NUDCD1: variants seen among roughly 807,000 people sequenced by gnomAD.
NUDCD1 encodes NudC domain containing 1.
In NUDCD1, 60 loss-of-function variants were observed where a neutral mutation model predicts 67.8. The observed-to-expected ratio is 0.88, with a 90% CI of 0.72 to 1.10. NUDCD1 has a LOEUF of 1.10. Ranked by LOEUF, NUDCD1 falls within the 50% of genes least tolerant of loss-of-function variation. The pLI, the probability that NUDCD1 is intolerant of heterozygous loss-of-function variation, is 0.00. For missense variants in NUDCD1, 643 were observed against 695.0 expected (o/e 0.93, Z 0.84); for synonymous variants, 244 against 230.8 (o/e 1.06, Z -0.52).
chr8:109,281,125 T>C lies in NUDCD1; in HGVS notation c.871A>G (p.Ile291Val), dbSNP rs758010057. 2 of 1,613,548 alleles carry C rather than the reference T, an allele frequency of 1.2e-6. No individual in the cohort carries two copies. Among genetic ancestry groups the C allele is most frequent in the East Asian group, 2.2e-5 (1 of 44,808 alleles). ...TTAGTACTGTCTTCTGGAAGCCGTA[T>C]GGTTACTGTCAAATCATCTTCAGTC... ...QQTEDDLTVTIRLPEDSTKED... is the reference protein window; with the variant it reads ...QQTEDDLTVTVRLPEDSTKED... Residue 291 changes from isoleucine (I) to valine (V), a missense_variant, in exon 6 of 10, where the codon ATA becomes GTA. Ile to Val is a conservative substitution (Grantham distance 29). Transcript: ENST00000239690.
At chr8:109,301,567 G>A (rs966609092) in intron 2 of NUDCD1, among the ~76,000 whole-genome samples, 11 of 152,198 alleles carry the variant, frequency 7.2e-5, no homozygotes, top group African/African-American at 2.4e-4. Context: ...CCCTCACTCC[G>A]TGAGGAGATC....
intron 7 of NUDCD1, among the ~76,000 whole-genome samples, chr8:109,273,730 C>G (rs955796051): frequency 2.6e-5 from 4 of 152,034 alleles, no homozygotes; most frequent in African/African-American, 9.7e-5. Flanking sequence ...CTGACAAATT[C>G]TACCAAACAT....
At chr8:109,333,473 G>T (rs1019938599) in intron 1 of NUDCD1, among the ~76,000 whole-genome samples, 4 of 152,204 alleles carry the variant, frequency 2.6e-5, no homozygotes, top group Admixed American at 6.5e-5. Context: ...CTCGGTCAGA[G>T]GAAACAGGAA....
intron 2 of NUDCD1, among the ~76,000 whole-genome samples, chr8:109,309,637 C>T (rs1404055594): frequency 6.6e-6 from 1 of 152,130 alleles, no homozygotes; most frequent in Non-Finnish European, 1.5e-5. Context: ...AAATAAAGGG[C>T]ATCCAAATCA....
intron 4 of NUDCD1, among the ~76,000 whole-genome samples, chr8:109,291,355 GACTGGTCTC>G (rs1363957143): frequency 6.6e-6 from 1 of 152,140 alleles, no homozygotes. Flanking sequence ...ATGTTGCCCA[GACTGGTCTC>G]AAACTCCTGG....
At chr8:109,300,677 G>C (rs1814964768) in intron 2 of NUDCD1, among the ~76,000 whole-genome samples, 2 of 152,160 alleles carry the variant, frequency 1.3e-5, no homozygotes, top group African/African-American at 4.8e-5. Flanking sequence ...AAACATATTT[G>C]GGGGAATAAT....
chr8:109,259,599 G>A (rs1227111975), intron 8 of NUDCD1, among the ~76,000 whole-genome samples: 1 of 152,138 alleles, frequency 6.6e-6, no homozygotes, highest in East Asian at 1.9e-4. Context: ...CCACTTCACT[G>A]CCTATTAATG....
intron 2 of NUDCD1, 125 bp from the exon 3 acceptor site, chr8:109,296,694 G>A: frequency 6.2e-6 from 4 of 644,674 alleles, no homozygotes; most frequent in Admixed American, 3.2e-5. Flanking sequence ...CTCTTCCTTT[G>A]ATGTGAGCTG....
intron 2 of NUDCD1, among the ~76,000 whole-genome samples, chr8:109,309,680 G>A (rs978031913): frequency 6.6e-6 from 1 of 152,126 alleles, no homozygotes; most frequent in African/African-American, 2.4e-5. Context: ...GCTGTTTACT[G>A]ATGATATAAC....
At chr8:109,320,858 C>T (rs1474991134) in intron 2 of NUDCD1, among the ~76,000 whole-genome samples, 3 of 152,100 alleles carry the variant, frequency 2.0e-5, no homozygotes, top group Non-Finnish European at 4.4e-5. Context: ...CCTGACTTCC[C>T]GCAACATCAT....
intron 2 of NUDCD1, among the ~76,000 whole-genome samples, chr8:109,299,104 C>T (rs962727660): frequency 6.6e-6 from 1 of 152,322 alleles, no homozygotes; most frequent in Admixed American, 6.5e-5. Context: ...GCCCTGTCAG[C>T]TCGCTGGGTT....
rs1455274436 is a variant in NUDCD1, at chr8:109,314,109, T to C, written c.273+8200A>G. The stretch of plus-strand genomic sequence containing the variant: ...TTTACTTATATCTGAATAACCTCTA[T>C]TGACAATTTCACTACATGCCCTCAT... On this transcript the variant is annotated intron_variant, in intron 2 of 9. Transcript: ENST00000239690. Among the ~76,000 whole-genome samples, 6 of 152,312 alleles carry C rather than the reference T, an allele frequency of 3.9e-5. No homozygotes were observed. In the East Asian group the frequency reaches 5.8e-4, roughly 15 times the overall value.
At chr8:109,293,210 C>A in intron 4 of NUDCD1, 134 bp downstream of exon 4, 1 of 491,734 alleles carries the variant, frequency 2.0e-6, no homozygotes, top group Non-Finnish European at 3.6e-6. Flanking sequence ...ATTCATTCCA[C>A]CAGTGGTGGC....
chr8:109,297,268 G>A (rs1384082862), intron 2 of NUDCD1, among the ~76,000 whole-genome samples: 13 of 152,106 alleles, frequency 8.5e-5, no homozygotes, highest in Non-Finnish European at 1.5e-4. Flanking sequence ...ACCAGTCTGC[G>A]GTATGAAAAC....
chr8:109,285,222 T>G (rs1814546843), intron 5 of NUDCD1, among the ~76,000 whole-genome samples: 1 of 151,962 alleles, frequency 6.6e-6, no homozygotes, highest in African/African-American at 2.4e-5. Flanking sequence ...ACATCCAAAC[T>G]CTACTAGACA....
chr8:109,288,984 CT>C (rs565605587), intron 5 of NUDCD1, among the ~76,000 whole-genome samples: 24,634 of 143,278 alleles, frequency 0.17, 2,640 homozygotes, highest in African/African-American at 0.32. Context: ...TTAGTCTTTT[CT>C]TTTTTTTTTT....
At chr8:109,291,504 A>G (rs1355789123) in intron 4 of NUDCD1, among the ~76,000 whole-genome samples, 1 of 152,216 alleles carries the variant, frequency 6.6e-6, no homozygotes, top group Non-Finnish European at 1.5e-5. Context: ...TAATGGAGCT[A>G]TTTTATGTCC....
chr8:109,297,979 G>A (rs997872565), intron 2 of NUDCD1, among the ~76,000 whole-genome samples: 1 of 152,032 alleles, frequency 6.6e-6, no homozygotes, highest in African/African-American at 2.4e-5. Flanking sequence ...TAAGTAAACT[G>A]TATACAATGT....
At chr8:109,261,641 A>G (rs1478183155) in intron 8 of NUDCD1, among the ~76,000 whole-genome samples, 2 of 152,192 alleles carry the variant, frequency 1.3e-5, no homozygotes, top group South Asian at 2.1e-4. Context: ...GTAAGGAGAT[A>G]TAAGTAGTTA....
Sources: allele counts gnomAD v4.1 joint callset (sites outside exome capture counted in the v4.1 genomes callset), GRCh38; gene constraint gnomAD v4.1.1; transcripts MANE v1.5; gene names NCBI Gene and HGNC (gene_info 2026-07-23, HGNC 2026-07-21).